Variants in HEATR1 observed in about 807,000 individuals in gnomAD.
HEATR1 encodes the protein HEAT repeat containing 1, also known as HEAT repeat-containing protein 1.
HEATR1 carries 77 observed loss-of-function variants against 248.2 expected under a neutral mutation model. That is an observed-to-expected ratio of 0.31 (90% confidence interval 0.26 to 0.37). The LOEUF is 0.37. Ranked by LOEUF, HEATR1 falls within the 10% of genes least tolerant of loss-of-function variation. The pLI, the probability that HEATR1 is intolerant of heterozygous loss-of-function variation, is 1.00. For missense variants in HEATR1, 2,420 were observed against 2,504.9 expected (o/e 0.97, Z 0.72); for synonymous variants, 897 against 923.1 (o/e 0.97, Z 0.51).
chr1:236,574,102 C>T, intron 24 of HEATR1, 100 bp downstream of exon 24: 2 of 1,020,064 alleles, frequency 2.0e-6, no homozygotes, highest in Non-Finnish European at 1.4e-6. Context: ...AACATCTGAC[C>T]TCTTACAAGC....
intron 14 of HEATR1, 77 bp downstream of exon 14, chr1:236,587,325 A>G (rs190456310): frequency 6.2e-5 from 41 of 660,236 alleles, no homozygotes; most frequent in Non-Finnish European, 8.5e-5. Flanking sequence ...TTAAAAAAAA[A>G]AAGAAGAAGA....
At chr1:236,560,856 A>G (rs531434553) in intron 33 of HEATR1, among the ~76,000 whole-genome samples, 1 of 152,382 alleles carries the variant, frequency 6.6e-6, no homozygotes, top group South Asian at 2.1e-4. Context: ...CAGACTTGAC[A>G]TGGATCATGA....
intron 21 of HEATR1, 45 bp from the exon 22 acceptor site, chr1:236,576,422 T>C: frequency 7.4e-7 from 1 of 1,352,992 alleles, no homozygotes; most frequent in Non-Finnish European, 1.0e-6. Flanking sequence ...GTTAAGAAAC[T>C]ACAAAGGCTA....
intron 33 of HEATR1, among the ~76,000 whole-genome samples, chr1:236,560,630 G>A (rs1220307889): frequency 6.6e-6 from 1 of 152,240 alleles, no homozygotes; most frequent in Non-Finnish European, 1.5e-5. Flanking sequence ...GAAGGGGCAG[G>A]ACAGTGGCCC....
At chr1:236,582,541 T>A (rs1477774112) in intron 19 of HEATR1, among the ~76,000 whole-genome samples, 195 bp downstream of exon 19, 10 of 152,050 alleles carry the variant, frequency 6.6e-5, no homozygotes, top group African/African-American at 2.4e-4. Context: ...GTGGCTGGGA[T>A]TACAGGCCCC....
chr1:236,567,003 T>A, intron 29 of HEATR1, 127 bp from the exon 30 acceptor site: 1 of 647,224 alleles, frequency 1.5e-6, no homozygotes, highest in Non-Finnish European at 2.7e-6. Context: ...TTTATTTTTT[T>A]AGAGACAGGG....
At chr1:236,555,266 G>T in intron 41 of HEATR1, 30 bp downstream of exon 41, 1 of 1,609,978 alleles carries the variant, frequency 6.2e-7, no homozygotes, top group African/African-American at 1.3e-5. Context: ...ACAGGGCAAG[G>T]GTGACAGCTG....
intron 4 of HEATR1, among the ~76,000 whole-genome samples, chr1:236,599,130 C>T (rs1408027521): frequency 5.9e-5 from 9 of 152,074 alleles, no homozygotes; most frequent in South Asian, 4.1e-4. Context: ...AAATGCCAAA[C>T]GGCATGGTAC....
At chr1:236,599,460 C>T (rs1558193654) in intron 4 of HEATR1, 23 bp downstream of exon 4, 2 of 1,601,584 alleles carry the variant, frequency 1.2e-6, no homozygotes, top group Admixed American at 3.4e-5. Flanking sequence ...TGATTACAGA[C>T]ATATGTCATT....
At chr1:236,602,926 AAAAAACT>A in intron 3 of HEATR1, 1 of 441,480 alleles carries the variant, frequency 2.3e-6, no homozygotes, top group Non-Finnish European at 4.1e-6. Context: ...CTATCTCAAA[AAAAAACT>A]AATGAGGTTA....
chr1:236,599,723 A>C, intron 3 of HEATR1, 99 bp from the exon 4 acceptor site: 2 of 1,114,238 alleles, frequency 1.8e-6, no homozygotes, highest in Non-Finnish European at 2.5e-6. Flanking sequence ...AGCTAAAACA[A>C]CCTAGAACGA....
Position 236,588,139 on chromosome 1 carries a change from A to C in HEATR1, c.1531-96T>G, listed in dbSNP as rs967508468. 1.2e-5 allele frequency: 10 copies of C among 836,418 alleles called. No individual in the cohort carries two copies. In the Admixed American group the frequency reaches 2.4e-4, roughly 20 times the overall value. 51.8% of individuals were successfully genotyped at this position (836,418 alleles called of 1,614,324 possible). On this transcript the variant is annotated intron_variant, in intron 12 of 44. Transcript: ENST00000366582. ...AGTATGGTTTTGTGAAAAACACTCCAGAATGACAGTCTAACACAGGCTCTG... is the reference window on the plus strand; with the variant it reads ...AGTATGGTTTTGTGAAAAACACTCCCGAATGACAGTCTAACACAGGCTCTG...
At chr1:236,568,101 C>G (rs538883138) in intron 29 of HEATR1, among the ~76,000 whole-genome samples, 1 of 152,302 alleles carries the variant, frequency 6.6e-6, no homozygotes, top group East Asian at 1.9e-4. Flanking sequence ...TAGATCATGC[C>G]TTTTCTCATA....
chr1:236,561,393 T>C, intron 32 of HEATR1, 122 bp from the exon 33 acceptor site: 1 of 754,592 alleles, frequency 1.3e-6, no homozygotes, highest in East Asian at 2.5e-5. Context: ...TTTTCTGACA[T>C]TACAATTTAA....
chr1:236,597,120 G>A (rs1664197565), intron 5 of HEATR1, 144 bp from the exon 6 acceptor site: 1 of 445,644 alleles, frequency 2.2e-6, no homozygotes, highest in Non-Finnish European at 3.6e-6. Flanking sequence ...GCAAGTCCAT[G>A]TCTCCAAAAA....
chr1:236,550,194 A>T lies in HEATR1; in HGVS notation c.*708T>A, dbSNP rs1662661471. 6.6e-6 allele frequency: 1 copy of T among 152,184 alleles called. No individual in the cohort carries two copies. The allele number at this position is 152,184 out of a possible 1,614,324, so 9.4% of individuals were successfully genotyped here. A position where few individuals can be genotyped will look rare whatever the true frequency, so the allele number is the denominator to read the frequency against. ...ACCAATGGAACTGGGTTCATTCTGAATCCTGGAGGAGCTTCCTCGTGCCAC... is the reference window on the plus strand; with the variant it reads ...ACCAATGGAACTGGGTTCATTCTGATTCCTGGAGGAGCTTCCTCGTGCCAC... On this transcript the variant is annotated 3_prime_UTR_variant, in exon 45 of 45. Coordinates refer to ENST00000366582, the MANE Select transcript of HEATR1 (RefSeq NM_018072.6).
chr1:236,594,327 A>G (rs1223340842), intron 8 of HEATR1, among the ~76,000 whole-genome samples: 1 of 152,156 alleles, frequency 6.6e-6, no homozygotes, highest in East Asian at 1.9e-4. Flanking sequence ...TCTTTTATCT[A>G]AAATTCTCTA....
chr1:236,591,509 A>G (rs921343868), intron 11 of HEATR1, among the ~76,000 whole-genome samples: 2 of 152,096 alleles, frequency 1.3e-5, no homozygotes, highest in African/African-American at 4.8e-5. Context: ...AAATATAAGA[A>G]CTCCTGCTTA....
intron 23 of HEATR1, 108 bp downstream of exon 23, chr1:236,574,553 T>G (rs1309775215): frequency 5.1e-6 from 7 of 1,384,642 alleles, no homozygotes; most frequent in African/African-American, 1.5e-5. Flanking sequence ...TGTAACTATC[T>G]TCTCCAAATA....
Sources: allele counts gnomAD v4.1 joint callset (sites outside exome capture counted in the v4.1 genomes callset), GRCh38; gene constraint gnomAD v4.1.1; transcripts MANE v1.5; gene names NCBI Gene and HGNC (gene_info 2026-07-23, HGNC 2026-07-21).